Variants in SI observed in about 807,000 individuals in gnomAD.
The protein encoded by SI is sucrase-isomaltase, intestinal.
In SI, 235 loss-of-function variants were observed where a neutral mutation model predicts 253.3. The ratio of observed to expected loss-of-function variants is 0.93; its 90% CI spans 0.83 to 1.03. The LOEUF (loss-of-function observed/expected upper bound fraction) is 1.03, where lower values mean the gene tolerates loss of function less well. Among genes scored for constraint, SI ranks in the 50% least tolerant of loss-of-function variants. SI has a pLI of 0.00. For synonymous variants in SI, 819 were observed against 712.0 expected (o/e 1.15, Z -2.39); for missense variants, 2,442 against 2,211.1 (o/e 1.10, Z -2.09).
rs764555878 is a variant in SI at position 165,046,846 on chromosome 3, G to A, written c.1882C>T (p.Pro628Ser). Reference sequence around the variant, plus strand: ...ACTCTATGAAACTGTCTTACCAAAGGTATTCCAAACAAACTGAACTCCAGC... The same window carrying A: ...ACTCTATGAAACTGTCTTACCAAAGATATTCCAAACAAACTGAACTCCAGC... ...GMLEFSLFGI[P>S]LVGADICGFV... The change falls in exon 16 of 48, where the codon CCT becomes TCT. Residue 628 changes from proline to serine, a missense_variant. Physicochemically the swap from Pro to Ser is moderately conservative, Grantham distance 74 (BLOSUM62 -1). Coordinates refer to ENST00000264382, the MANE Select transcript of SI (RefSeq NM_001041.4). 1.2e-6 allele frequency: 2 copies of A among 1,611,684 alleles called. No individual in the cohort carries two copies. Among genetic ancestry groups the A allele is most frequent in the South Asian group, 1.1e-5 (1 of 90,954 alleles).
Position 165,059,850 on chromosome 3 carries a change from G to A in SI, c.1146+52C>T, listed in dbSNP as rs1713901028. On this transcript the variant is annotated intron_variant, in intron 10 of 47. Coordinates refer to ENST00000264382, the MANE Select transcript of SI (RefSeq NM_001041.4). ...GACAATTTCCTACAGTTCTTATTAT[G>A]TGACAATATTTAACTTGATATATAT... The A allele has an allele frequency of 2.6e-6, 4 of 1,564,388 alleles. No homozygotes were observed. In the South Asian group the frequency reaches 4.4e-5, roughly 17 times the overall value.
At chr3:165,023,187 T>G (rs1000378266) in intron 26 of SI, among the ~76,000 whole-genome samples, 11 of 151,532 alleles carry the variant, frequency 7.3e-5, no homozygotes, top group Non-Finnish European at 1.6e-4. Flanking sequence ...TTGAATGAAA[T>G]TATTGCTTTG....
chr3:165,085,351 G>A, the SI span, among the ~76,000 whole-genome samples: 84 of 152,238 alleles, frequency 5.5e-4, no homozygotes, highest in African/African-American at 1.9e-3. Context: ...TCTCCAAGAC[G>A]TGGACCTTTC....
Position 164,992,213 on chromosome 3 carries a change from G to C in SI, c.4947C>G (p.Ala1649=). 6.2e-7 allele frequency: 1 copy of C among 1,612,236 alleles called. No individual in the cohort carries two copies. The highest frequency in any genetic ancestry group is 8.5e-7 in the Non-Finnish European group (1 of 1,179,286). ...CAAACCACCGAGCATTGGGGACGTA[G>C]GCATTTACAGTTTGAACATACTGGA... ...VLEPYVQTVN[A]YVPNARWFDY... Residue 1649 remains alanine, a synonymous_variant, in exon 43 of 48, where the codon GCC becomes GCG. Coordinates refer to ENST00000264382, the MANE Select transcript of SI (RefSeq NM_001041.4).
At chr3:165,089,793 G>A in the SI span, among the ~76,000 whole-genome samples, 1 of 151,894 alleles carries the variant, frequency 6.6e-6, no homozygotes, top group African/African-American at 2.4e-5. Context: ...GTTCCTCCCT[G>A]TCTGTTGGCC....
At chr3:165,045,377 A>C (rs1560005450) in intron 16 of SI, among the ~76,000 whole-genome samples, 1 of 152,100 alleles carries the variant, frequency 6.6e-6, no homozygotes, top group African/African-American at 2.4e-5. Flanking sequence ...TTTAGTTTTA[A>C]TATTGACTGT....
At chr3:165,060,051 T>G in intron 9 of SI, 24 bp from the exon 10 acceptor site, 1 of 1,598,916 alleles carries the variant, frequency 6.3e-7, no homozygotes. Flanking sequence ...AGCATGTAAT[T>G]AGTTTGAATA....
intron 10 of SI, 149 bp downstream of exon 10, chr3:165,059,753 A>T (rs1255502102): frequency 2.5e-6 from 2 of 801,744 alleles, no homozygotes; most frequent in African/African-American, 3.4e-5. Flanking sequence ...ATTACATATG[A>T]GATAAAATAT....
At position 164,991,436 on chromosome 3, in the gene SI, A is replaced by G; in HGVS notation, c.5025T>C (p.Asn1675=). ...GTAGGTTTATTGTGTCATAAGAAGC[A>G]TTAAATGTTTGAAATTGTCCTCTGA... ...IGVRGQFQTF[N]ASYDTINLHV... Residue 1675 remains asparagine, a synonymous_variant, in exon 44 of 48, where the codon AAT becomes AAC. Transcript: ENST00000264382. 2.5e-6 allele frequency: 4 copies of G among 1,613,644 alleles called. No homozygotes were observed. Among genetic ancestry groups the G allele is most frequent in the South Asian group, 1.1e-5 (1 of 91,070 alleles).
At chr3:165,073,366 A>C (rs561665352) in intron 3 of SI, among the ~76,000 whole-genome samples, 1 of 152,176 alleles carries the variant, frequency 6.6e-6, no homozygotes, top group African/African-American at 2.4e-5. Context: ...CACTTTCCTC[A>C]GTGTATCTCA....
At chr3:165,039,385 G>A (rs1163032346) in intron 19 of SI, among the ~76,000 whole-genome samples, 1 of 151,824 alleles carries the variant, frequency 6.6e-6, no homozygotes, top group Non-Finnish European at 1.5e-5. Context: ...GCATATATGT[G>A]TATTGTTATA....
chr3:165,006,789 G>A, intron 37 of SI, 27 bp downstream of exon 37: 1 of 1,597,252 alleles, frequency 6.3e-7, no homozygotes, highest in Non-Finnish European at 8.6e-7. Context: ...AAAAGAGTCA[G>A]AGAGGATAAT....
chr3:165,030,875 GAC>G lies in SI; in HGVS notation c.2737-10_2737-9del. Reference sequence around the variant, plus strand: ...ATCTGCAATTAGGAGAACCTTTGAAGACAAAAAAAAAAAAAGAAAAAAAGAAA... The same window carrying G: ...ATCTGCAATTAGGAGAACCTTTGAAGAAAAAAAAAAAAAGAAAAAAAGAAA... On this transcript the variant is annotated splice_polypyrimidine_tract_variant and intron_variant, in intron 24 of 47. Coordinates refer to ENST00000264382, the MANE Select transcript of SI (RefSeq NM_001041.4). 12 of 636,680 alleles carry G rather than the reference GAC, an allele frequency of 1.9e-5. No homozygotes were observed. In the Admixed American group the frequency reaches 2.4e-4, roughly 13 times the overall value. The allele number at this position is 636,680 out of a possible 1,614,324, so 39.4% of individuals were successfully genotyped here.
intron 25 of SI, among the ~76,000 whole-genome samples, chr3:165,028,887 A>G (rs1164977811): frequency 6.6e-6 from 1 of 151,216 alleles, no homozygotes; most frequent in Non-Finnish European, 1.5e-5. Flanking sequence ...GATGACCAAA[A>G]ACAAAAGCAA....
chr3:165,015,120 T>C lies in SI; in HGVS notation c.3999+3A>G. 3 of 1,595,836 alleles carry C rather than the reference T, an allele frequency of 1.9e-6. No homozygotes were observed. On this transcript the variant is annotated splice_donor_region_variant and intron_variant, in intron 33 of 47. Coordinates refer to ENST00000264382, the MANE Select transcript of SI (RefSeq NM_001041.4). ...ATTCTATTTCAAGATATCGATTTAG[T>C]ACCTTTGCCCAACAAATGTCATTGG...
intron 27 of SI, among the ~76,000 whole-genome samples, chr3:165,020,378 A>G (rs1711536066): frequency 6.6e-6 from 1 of 151,766 alleles, no homozygotes; most frequent in East Asian, 1.9e-4. Context: ...AACATGGGCA[A>G]GGAGAGGAAG....
chr3:165,053,885 A>T (rs1713557874), intron 13 of SI, among the ~76,000 whole-genome samples: 1 of 152,056 alleles, frequency 6.6e-6, no homozygotes, highest in Admixed American at 6.6e-5. Flanking sequence ...AAAGCTCAAG[A>T]TCACAGTAAA....
chr3:164,990,028 G>T (rs1474945394), intron 44 of SI, among the ~76,000 whole-genome samples: 4 of 152,114 alleles, frequency 2.6e-5, no homozygotes, highest in Non-Finnish European at 4.4e-5. Context: ...TAGACCCAGA[G>T]AATTTACAAC....
intron 30 of SI, 36 bp downstream of exon 30, chr3:165,017,725 A>T (rs1156643971): frequency 1.3e-6 from 2 of 1,596,704 alleles, no homozygotes; most frequent in Non-Finnish European, 1.7e-6. Context: ...TGCTATAAAA[A>T]TTTTTAATTT....
Sources: gnomAD v4.1 joint callset for allele counts (sites outside exome capture counted in the v4.1 genomes callset) on GRCh38, gnomAD v4.1.1 for gene constraint, MANE v1.5 for transcripts, NCBI Gene and HGNC (gene_info 2026-07-23, HGNC 2026-07-21) for gene names.